Variants in ADAMTS19 observed in about 807,000 individuals in gnomAD.
The protein encoded by ADAMTS19 is A disintegrin and metalloproteinase with thrombospondin motifs 19.
Under a neutral mutation model 153.3 loss-of-function variants are expected in ADAMTS19, and 93 were observed. The observed-to-expected ratio is 0.61, with a 90% CI of 0.51 to 0.72. The LOEUF (loss-of-function observed/expected upper bound fraction) is 0.72, where lower values mean the gene tolerates loss of function less well. Ranked by LOEUF, ADAMTS19 falls within the 30% of genes least tolerant of loss-of-function variation. The probability of loss-of-function intolerance (pLI) is 0.00; values close to 1 mark genes in which losing one functional copy is unlikely to be tolerated. For missense variants in ADAMTS19, 1,482 were observed against 1,552.1 expected (o/e 0.95, Z 0.76); for synonymous variants, 600 against 556.6 (o/e 1.08, Z -1.10).
intron 21 of ADAMTS19, among the ~76,000 whole-genome samples, chr5:129,713,250 G>A (rs1012534773): frequency 2.6e-5 from 4 of 152,158 alleles, no homozygotes; most frequent in Admixed American, 6.5e-5. Context: ...ATGAGAATTT[G>A]ATATGAATTT....
intron 16 of ADAMTS19, among the ~76,000 whole-genome samples, chr5:129,672,706 A>G (rs993990493): frequency 6.6e-6 from 1 of 152,164 alleles, no homozygotes; most frequent in East Asian, 1.9e-4. Flanking sequence ...GGCAAATCAA[A>G]CCCTCATATG....
At chr5:129,541,403 C>T (rs992646343) in intron 6 of ADAMTS19, among the ~76,000 whole-genome samples, 1 of 151,846 alleles carries the variant, frequency 6.6e-6, no homozygotes, top group African/African-American at 2.4e-5. Flanking sequence ...AAAATCACCC[C>T]AAATCCCTTT....
chr5:129,628,989 A>T (rs1752174474), intron 10 of ADAMTS19, among the ~76,000 whole-genome samples: 1 of 152,100 alleles, frequency 6.6e-6, no homozygotes, highest in Non-Finnish European at 1.5e-5. Context: ...GCATGACTGT[A>T]GTTCTGCTAC....
rs1024428211 is a variant in ADAMTS19, at chr5:129,503,614, G to A, written c.748-5463G>A. On this transcript the variant is annotated intron_variant, in intron 2 of 22. Coordinates refer to ENST00000274487, the MANE Select transcript of ADAMTS19 (RefSeq NM_133638.6). Reference sequence around the variant, plus strand: ...AGTACTTTGGGAGGCTGAGGCATGCGGATCACCTGAGGTCAGGAGTTCAAG... The same window carrying A: ...AGTACTTTGGGAGGCTGAGGCATGCAGATCACCTGAGGTCAGGAGTTCAAG... Among the ~76,000 whole-genome samples the A allele has an allele frequency of 6.6e-5, 10 of 152,190 alleles. No individual in the cohort carries two copies. The South Asian group carries it at 1.0e-3, about 16-fold the overall frequency.
chr5:129,614,164 G>T (rs993377854), intron 8 of ADAMTS19, among the ~76,000 whole-genome samples: 8 of 152,102 alleles, frequency 5.3e-5, no homozygotes, highest in Non-Finnish European at 1.0e-4. Flanking sequence ...GAAAAAGAGG[G>T]AATCCTCCCT....
At chr5:129,563,212 ATTT>A (rs548780670) in intron 7 of ADAMTS19, among the ~76,000 whole-genome samples, 1 of 145,936 alleles carries the variant, frequency 6.9e-6, no homozygotes, top group Non-Finnish European at 1.5e-5. Context: ...GCAATTTGGC[ATTT>A]TTTTTTTTGC....
chr5:129,584,843 G>T (rs1749701796), intron 7 of ADAMTS19, among the ~76,000 whole-genome samples: 1 of 152,208 alleles, frequency 6.6e-6, no homozygotes. Context: ...CTCCATGGGG[G>T]TGGGATCTGC....
In ADAMTS19 at chr5:129,619,750, A is replaced by G. The variant is rs553098220; in HGVS notation, c.1479-868A>G. 5.3e-5 allele frequency among the ~76,000 whole-genome samples: 8 copies of G among 152,122 alleles called. 1 individual carries two copies. In the South Asian group the frequency reaches 1.0e-3, roughly 20 times the overall value. ...ATAAGGATACGATACAATAATTTTA[A>G]TAGTAACTATAGGATAGAAGGGAGA... On this transcript the variant is annotated intron_variant, in intron 8 of 22. Transcript: ENST00000274487.
At chr5:129,537,233 C>A (rs1265602648) in intron 6 of ADAMTS19, among the ~76,000 whole-genome samples, 1 of 152,114 alleles carries the variant, frequency 6.6e-6, no homozygotes, top group Non-Finnish European at 1.5e-5. Flanking sequence ...GAGATACCAT[C>A]TCACACCAGT....
intron 7 of ADAMTS19, among the ~76,000 whole-genome samples, chr5:129,589,503 TG>T (rs1260044097): frequency 6.6e-6 from 1 of 152,072 alleles, no homozygotes; most frequent in Non-Finnish European, 1.5e-5. Context: ...TGTATTTACT[TG>T]AACAACTTTT....
At position 129,461,115 on chromosome 5, in the gene ADAMTS19, C is replaced by A; in HGVS notation, c.105C>A (p.Ala35=). The A allele has an allele frequency of 7.0e-7, 1 of 1,419,102 alleles. No individual in the cohort carries two copies. Among genetic ancestry groups the A allele is most frequent in the Non-Finnish European group, 9.2e-7 (1 of 1,085,154 alleles). The allele number at this position is 1,419,102 out of a possible 1,614,324, so 87.9% of individuals were successfully genotyped here. The change falls in exon 2 of 23, where the codon GCC becomes GCA. Residue 35 remains alanine, a synonymous_variant. Transcript: ENST00000274487. This position sits in a 1 kb window ranked among gnomAD's most constrained non-coding sequence, Gnocchi z 4.6. The part of the protein sequence containing the change: ...SNGIVSELQF[A]PDREEWEVVF... ...CCCCGCCCGCAGAGCTGCAGTTCGC[C>A]CCCGACCGCGAGGAGTGGGAAGTCG... is the stretch of plus-strand genomic sequence containing the variant.
Position 129,654,444 on chromosome 5 carries a change from C to CA in ADAMTS19, c.2304+11_2304+12insA. Reference sequence around the variant, plus strand: ...AATGGCAGGTGCCAGGTAAGACATTCCAAAAAAAAAAAGAATTTATATGTT... The same window carrying CA: ...AATGGCAGGTGCCAGGTAAGACATTCACAAAAAAAAAAAGAATTTATATGTT... On this transcript the variant is annotated intron_variant, in intron 14 of 22. Coordinates refer to ENST00000274487, the MANE Select transcript of ADAMTS19 (RefSeq NM_133638.6). 1.9e-6 allele frequency: 3 copies of CA among 1,585,052 alleles called. No homozygotes were observed. Among genetic ancestry groups the CA allele is most frequent in the Admixed American group, 3.8e-5 (2 of 52,540 alleles).
chr5:129,637,206 T>C (rs771895493), intron 10 of ADAMTS19, among the ~76,000 whole-genome samples: 22 of 152,324 alleles, frequency 1.4e-4, no homozygotes, highest in Non-Finnish European at 2.5e-4. Flanking sequence ...CAATGACTAG[T>C]TTGCTAAGAT....
intron 6 of ADAMTS19, among the ~76,000 whole-genome samples, chr5:129,536,007 G>C (rs1752406536): frequency 6.6e-6 from 1 of 152,152 alleles, no homozygotes; most frequent in South Asian, 2.1e-4. Flanking sequence ...CATGGGCAAG[G>C]ACTTCATGTC....
chr5:129,631,160 GTTTTTTT>G (rs35770896), intron 10 of ADAMTS19, among the ~76,000 whole-genome samples: 1 of 127,702 alleles, frequency 7.8e-6, no homozygotes, highest in African/African-American at 2.9e-5. Flanking sequence ...AAAATTTTAG[GTTTTTTT>G]TTTTTTTTTT....
At chr5:129,693,397 T>C (rs932117769) in intron 18 of ADAMTS19, among the ~76,000 whole-genome samples, 22 of 152,150 alleles carry the variant, frequency 1.4e-4, no homozygotes, top group Non-Finnish European at 2.4e-4. Flanking sequence ...ATTACCAGCA[T>C]GAATTCTCTA....
At chr5:129,573,157 T>C (rs773119654) in intron 7 of ADAMTS19, among the ~76,000 whole-genome samples, 3 of 152,046 alleles carry the variant, frequency 2.0e-5, no homozygotes, top group Non-Finnish European at 2.9e-5. Context: ...AATATCCATC[T>C]TCCCAGTTTT....
chr5:129,469,983 T>C (rs1436341996), intron 2 of ADAMTS19, among the ~76,000 whole-genome samples: 1 of 152,198 alleles, frequency 6.6e-6, no homozygotes, highest in Non-Finnish European at 1.5e-5. Context: ...ACATAGTGAA[T>C]AAACAGAATT....
At chr5:129,477,742 T>A (rs2126663892) in intron 2 of ADAMTS19, among the ~76,000 whole-genome samples, 1 of 152,344 alleles carries the variant, frequency 6.6e-6, no homozygotes, top group Middle Eastern at 3.4e-3. Context: ...TGTCCAATTT[T>A]TGGGTCCTTG....
Sources: allele counts gnomAD v4.1 joint callset (sites outside exome capture counted in the v4.1 genomes callset), GRCh38; gene constraint gnomAD v4.1.1; non-coding constraint Gnocchi (gnomAD v3.1); transcripts MANE v1.5; gene names NCBI Gene and HGNC (gene_info 2026-07-23, HGNC 2026-07-21).